ENTHD1: variants seen among roughly 807,000 people sequenced by gnomAD.
The protein encoded by ENTHD1 is ENTH domain containing 1.
A neutral mutation model predicts 39.1 loss-of-function variants in ENTHD1; 23 were observed. The ratio of observed to expected loss-of-function variants is 0.59; its 90% CI spans 0.42 to 0.83. ENTHD1 has a LOEUF of 0.83. ENTHD1 is among the 40% of genes least tolerant of loss of function. The pLI, the probability that ENTHD1 is intolerant of heterozygous loss-of-function variation, is 0.00. For synonymous variants in ENTHD1, 230 were observed against 258.2 expected (o/e 0.89, Z 1.05); for missense variants, 624 against 705.4 (o/e 0.88, Z 1.31).
chr22:39,773,374 C>T (rs2065342692), intron 5 of ENTHD1, among the ~76,000 whole-genome samples: 1 of 152,086 alleles, frequency 6.6e-6, no homozygotes, highest in Admixed American at 6.5e-5. Flanking sequence ...TGAGATGGTC[C>T]ATGTGCTGGA....
At position 39,890,097 on chromosome 22, in the gene ENTHD1, CAAAA is replaced by C. The variant is rs2066414240; in HGVS notation, c.-155-2198_-155-2195del. On this transcript the variant is annotated intron_variant, in intron 1 of 6. Transcript: ENST00000325157. The stretch of plus-strand genomic sequence containing the variant: ...TGGGAGATAGAGTGAGACTCTGTCT[CAAAA>C]ATAAATAAATAAATAAATAAATAAA... 3.4e-5 allele frequency among the ~76,000 whole-genome samples: 4 copies of C among 118,466 alleles called. No homozygotes were observed. The South Asian group carries it at 1.2e-3, about 35-fold the overall frequency. 77.7% of individuals were successfully genotyped at this position (118,466 alleles called of 152,430 possible). A position where few individuals can be genotyped will look rare whatever the true frequency, so the allele number is the denominator to read the frequency against.
intron 5 of ENTHD1, among the ~76,000 whole-genome samples, chr22:39,805,361 C>G (rs2146622993): frequency 6.6e-6 from 1 of 152,220 alleles, no homozygotes; most frequent in South Asian, 2.1e-4. Context: ...CACTCAAAGT[C>G]CCTTACTATG....
At chr22:39,746,300 A>G (rs1488493672) in intron 6 of ENTHD1, among the ~76,000 whole-genome samples, 1 of 151,838 alleles carries the variant, frequency 6.6e-6, no homozygotes, top group African/African-American at 2.4e-5. Flanking sequence ...ATATTTTTAA[A>G]TTTCCAAGAG....
chr22:39,797,801 CA>C (rs2065563094), intron 5 of ENTHD1, among the ~76,000 whole-genome samples: 1 of 152,148 alleles, frequency 6.6e-6, no homozygotes, highest in Admixed American at 6.5e-5. Context: ...GCTGATAAAT[CA>C]GCTGTTGGTC....
intron 5 of ENTHD1, among the ~76,000 whole-genome samples, chr22:39,784,892 A>G (rs2146591435): frequency 6.6e-6 from 1 of 152,260 alleles, no homozygotes; most frequent in East Asian, 1.9e-4. Flanking sequence ...GTTTACAATA[A>G]TCTATTGTAT....
intron 6 of ENTHD1, among the ~76,000 whole-genome samples, chr22:39,747,612 A>G (rs1024640347): frequency 6.6e-6 from 1 of 152,166 alleles, no homozygotes; most frequent in Non-Finnish European, 1.5e-5. Context: ...TCTATAATAA[A>G]TGGTTGATGG....
At chr22:39,874,178 C>G (rs2066267896) in intron 2 of ENTHD1, 1 of 152,212 alleles carries the variant, frequency 6.6e-6, no homozygotes, top group Non-Finnish European at 1.5e-5. Context: ...ATTCCTCCCA[C>G]AGAGTCCCTC....
At chr22:39,837,630 G>A (rs1386758180) in intron 3 of ENTHD1, among the ~76,000 whole-genome samples, 2 of 152,216 alleles carry the variant, frequency 1.3e-5, no homozygotes, top group Admixed American at 6.5e-5. Flanking sequence ...ACACCAGCAT[G>A]TTTGGTATTC....
At chr22:39,769,162 C>T (rs1358986002) in intron 5 of ENTHD1, among the ~76,000 whole-genome samples, 2 of 151,874 alleles carry the variant, frequency 1.3e-5, no homozygotes, top group Non-Finnish European at 2.9e-5. Flanking sequence ...ATGTAAGTTA[C>T]CAGTTCGATT....
At chr22:39,833,941 C>CA (rs59299623) in intron 4 of ENTHD1, among the ~76,000 whole-genome samples, 35,857 of 114,896 alleles carry the variant, frequency 0.31, 5,419 homozygotes, top group African/African-American at 0.53. Flanking sequence ...TATACTTGGG[C>CA]AAAAAAAAAA....
chr22:39,846,822 T>C (rs557969629), intron 3 of ENTHD1, among the ~76,000 whole-genome samples: 1 of 151,834 alleles, frequency 6.6e-6, no homozygotes, highest in South Asian at 2.1e-4. Flanking sequence ...ATCAGAGAAA[T>C]GCAAATCAAA....
intron 5 of ENTHD1, among the ~76,000 whole-genome samples, chr22:39,772,352 GA>G (rs905332333): frequency 2.8e-4 from 43 of 152,148 alleles, no homozygotes; most frequent in Non-Finnish European, 2.9e-5. Flanking sequence ...ACAGGTCACA[GA>G]CTGGTACCAG....
rs112690772 is a variant in ENTHD1 at position 39,764,299 on chromosome 22, C to A, written c.1219+924G>T. On this transcript the variant is annotated intron_variant, in intron 6 of 6. Transcript: ENST00000325157. ...GACCAACCTGGGCAACATAGCAAGA[C>A]CCCACCTCCACACACACAAAAATAA... Among the ~76,000 whole-genome samples, 43 of 152,044 alleles carry A rather than the reference C, an allele frequency of 2.8e-4. 1 individual carries two copies. Among genetic ancestry groups the A allele is most frequent in the African/African-American group, 9.6e-4 (40 of 41,454 alleles).
At chr22:39,845,721 A>G (rs1185043408) in intron 3 of ENTHD1, among the ~76,000 whole-genome samples, 1 of 152,106 alleles carries the variant, frequency 6.6e-6, no homozygotes, top group Non-Finnish European at 1.5e-5. Context: ...TTGGCCTTAC[A>G]TGTTTCCTGT....
intron 5 of ENTHD1, among the ~76,000 whole-genome samples, chr22:39,777,687 G>T (rs2065376550): frequency 1.3e-5 from 2 of 152,138 alleles, no homozygotes; most frequent in African/African-American, 4.8e-5. Context: ...GTCAGCTAAA[G>T]ACTTTCCTGC....
At chr22:39,887,256 A>C in intron 2 of ENTHD1, 144 bp downstream of exon 2, 1 of 662,930 alleles carries the variant, frequency 1.5e-6, no homozygotes, top group Non-Finnish European at 2.5e-6. Context: ...GCCGGAGTAC[A>C]GTGGCTATTC....
chr22:39,756,342 A>ACACACG (rs1555921092), intron 6 of ENTHD1, among the ~76,000 whole-genome samples: 2 of 147,850 alleles, frequency 1.4e-5, no homozygotes, highest in African/African-American at 5.1e-5. Context: ...ACACACACGC[A>ACACACG]CACACTTTTT....
chr22:39,832,864 G>T (rs933574520), intron 4 of ENTHD1, among the ~76,000 whole-genome samples: 1 of 152,330 alleles, frequency 6.6e-6, no homozygotes, highest in African/African-American at 2.4e-5. Context: ...GCAGTGACAA[G>T]ATAACATAGG....
rs184067224 is a variant in ENTHD1 at position 39,749,141 on chromosome 22, T to G, written c.1220-4858A>C. Reference sequence around the variant, plus strand: ...ATAATTGCCGCATACCAATTTACTTTTGTTTCCAAACACTCCACAGCTGTA... The same window carrying G: ...ATAATTGCCGCATACCAATTTACTTGTGTTTCCAAACACTCCACAGCTGTA... On this transcript the variant is annotated intron_variant, in intron 6 of 6. Transcript: ENST00000325157. Among the ~76,000 whole-genome samples the G allele has an allele frequency of 5.9e-4, 90 of 152,332 alleles. 1 individual carries two copies. The highest frequency in any genetic ancestry group is 6.8e-3 in the Middle Eastern group (2 of 294).
Sources: allele counts gnomAD v4.1 joint callset (sites outside exome capture counted in the v4.1 genomes callset), GRCh38; gene constraint gnomAD v4.1.1; transcripts MANE v1.5; gene names NCBI Gene and HGNC (gene_info 2026-07-23, HGNC 2026-07-21).